Variants in ANO3 observed in about 807,000 individuals in gnomAD.
ANO3 encodes the protein anoctamin 3.
In ANO3, 99 loss-of-function variants were observed where a neutral mutation model predicts 144.8. The ratio of observed to expected loss-of-function variants is 0.68; its 90% CI spans 0.58 to 0.81. ANO3 has a LOEUF of 0.81. Ranked by LOEUF, ANO3 falls within the 30% of genes least tolerant of loss-of-function variation. The pLI, the probability that ANO3 is intolerant of heterozygous loss-of-function variation, is 0.00. For synonymous variants in ANO3, 414 were observed against 392.6 expected (o/e 1.05, Z -0.64); for missense variants, 905 against 1,202.2 (o/e 0.75, Z 3.66).
chr11:26,404,081 T>C (rs577680092), intron 1 of ANO3, among the ~76,000 whole-genome samples: 1 of 152,020 alleles, frequency 6.6e-6, no homozygotes, highest in South Asian at 2.1e-4. Flanking sequence ...ATTGACAGTT[T>C]TTTTCCATTT....
At chr11:26,190,657 T>A (rs886898425) in intron 1 of ANO3, among the ~76,000 whole-genome samples, 3 of 152,208 alleles carry the variant, frequency 2.0e-5, no homozygotes, top group Non-Finnish European at 1.5e-5. Context: ...ATTCAACTAT[T>A]GTCTTTATGC....
chr11:26,311,320 C>T (rs1266006128), intron 1 of ANO3, among the ~76,000 whole-genome samples: 2 of 152,150 alleles, frequency 1.3e-5, no homozygotes, highest in South Asian at 2.1e-4. Flanking sequence ...TGTGAAGTAA[C>T]GAGTAACTAG....
chr11:26,360,174 A>T (rs1260046230), intron 1 of ANO3, among the ~76,000 whole-genome samples: 4 of 53,548 alleles, frequency 7.5e-5, no homozygotes, highest in African/African-American at 2.3e-4. Context: ...TGCTTCCCCC[A>T]ACCCCCCCGC....
rs1010415294 is a variant in ANO3 at position 26,654,268 on chromosome 11, G to A, written c.2577-1857G>A. On this transcript the variant is annotated intron_variant, in intron 24 of 26. Transcript: ENST00000256737. Reference sequence around the variant, plus strand: ...GCTGACTCCATTTATTTAAGCGTTCGTTGAATTCTCTGAGACATGTGGTTT... The same window carrying A: ...GCTGACTCCATTTATTTAAGCGTTCATTGAATTCTCTGAGACATGTGGTTT... 4.6e-5 allele frequency among the ~76,000 whole-genome samples: 7 copies of A among 152,028 alleles called. No individual in the cohort carries two copies. In the East Asian group the frequency reaches 9.6e-4, roughly 21 times the overall value.
chr11:26,245,018 T>TGTGTGTGCGCGCGC lies in ANO3; in HGVS notation c.154+55691_154+55692insTGTGCGCGCGCGTG, dbSNP rs151031559. Among the ~76,000 whole-genome samples the TGTGTGTGCGCGCGC allele has an allele frequency of 1.6e-3, 238 of 145,426 alleles. 5 individuals carry two copies. In the South Asian group the frequency reaches 0.027, roughly 16 times the overall value. On this transcript the variant is annotated intron_variant, in intron 1 of 27. Transcript: ENST00000672621. ...GTGTGTGTGTGTGTGTGTGTGTGTG[T>TGTGTGTGCGCGCGC]GTGCATGCATGCATTTGTCTTTCAT...
At chr11:26,609,786 C>G (rs1852041905) in intron 17 of ANO3, among the ~76,000 whole-genome samples, 3 of 152,132 alleles carry the variant, frequency 2.0e-5, no homozygotes. Flanking sequence ...TATAGTAATT[C>G]TATTTTTCAT....
chr11:26,519,859 A>T (rs1422359111), intron 6 of ANO3, among the ~76,000 whole-genome samples: 1 of 152,092 alleles, frequency 6.6e-6, no homozygotes, highest in Admixed American at 6.5e-5. Context: ...TCTTTAACAC[A>T]TGTTCATTCT....
intron 1 of ANO3, among the ~76,000 whole-genome samples, chr11:26,424,388 C>A (rs1857858560): frequency 6.6e-6 from 1 of 151,932 alleles, no homozygotes; most frequent in Non-Finnish European, 1.5e-5. Context: ...ATAACACTGC[C>A]TGTGTTTTCA....
At chr11:26,455,577 A>C (rs1455145968) in intron 3 of ANO3, among the ~76,000 whole-genome samples, 3 of 152,236 alleles carry the variant, frequency 2.0e-5, no homozygotes, top group African/African-American at 7.2e-5. Flanking sequence ...AAAAGAGGAC[A>C]CAAACAAATG....
chr11:26,509,557 C>G (rs918219832), intron 5 of ANO3, among the ~76,000 whole-genome samples: 11 of 152,192 alleles, frequency 7.2e-5, no homozygotes, highest in Admixed American at 2.6e-4. Context: ...AAGTGATCTG[C>G]CCACTTCAGC....
chr11:26,513,496 A>T (rs2134147082), intron 5 of ANO3, among the ~76,000 whole-genome samples: 1 of 152,284 alleles, frequency 6.6e-6, no homozygotes, highest in East Asian at 1.9e-4. Context: ...TGGTAGTAGG[A>T]GACCCAAGTT....
intron 1 of ANO3, among the ~76,000 whole-genome samples, chr11:26,377,264 T>C (rs1310607531): frequency 6.6e-6 from 1 of 152,174 alleles, no homozygotes; most frequent in African/African-American, 2.4e-5. Flanking sequence ...AAACTAAAAG[T>C]TGCCAAAAGA....
chr11:26,660,111 A>G, intron 26 of ANO3, 151 bp from the exon 27 acceptor site: 1 of 626,916 alleles, frequency 1.6e-6, no homozygotes, highest in Non-Finnish European at 2.7e-6. Context: ...TGTTTTCAAT[A>G]TAATTTTTGA....
chr11:26,641,062 G>A lies in ANO3; in HGVS notation c.2142-834G>A, dbSNP rs957356743. Among the ~76,000 whole-genome samples the A allele has an allele frequency of 2.6e-5, 4 of 152,046 alleles. No individual in the cohort carries two copies. The East Asian group carries it at 7.7e-4, about 29-fold the overall frequency. ...CTGTAAAATTCACCTTGTCCTGGAG[G>A]TAATTTTCACTGACCTCTTAAATAA... is the stretch of plus-strand genomic sequence containing the variant. On this transcript the variant is annotated intron_variant, in intron 21 of 26. Coordinates refer to ENST00000256737, the MANE Select transcript of ANO3 (RefSeq NM_031418.4).
chr11:26,301,845 G>A (rs1854240222), intron 1 of ANO3, among the ~76,000 whole-genome samples: 1 of 152,160 alleles, frequency 6.6e-6, no homozygotes, highest in African/African-American at 2.4e-5. Context: ...CATCTCAAAA[G>A]ACAAGGAGGC....
chr11:26,610,821 TA>T (rs1419823964), intron 17 of ANO3, among the ~76,000 whole-genome samples: 1 of 152,178 alleles, frequency 6.6e-6, no homozygotes, highest in Non-Finnish European at 1.5e-5. Flanking sequence ...CCTCACTCAT[TA>T]TTGGAGTGTC....
At chr11:26,376,589 C>T (rs1030934982) in intron 1 of ANO3, among the ~76,000 whole-genome samples, 2 of 151,858 alleles carry the variant, frequency 1.3e-5, no homozygotes, top group Non-Finnish European at 1.5e-5. Flanking sequence ...AAAGTTTATT[C>T]GCACCCCTAC....
chr11:26,438,076 T>A (rs1255606719), intron 1 of ANO3, among the ~76,000 whole-genome samples: 1 of 152,164 alleles, frequency 6.6e-6, no homozygotes, highest in African/African-American at 2.4e-5. Flanking sequence ...AGTACATTCT[T>A]AACTTGAAAA....
intron 14 of ANO3, among the ~76,000 whole-genome samples, chr11:26,594,128 A>G (rs1159378069): frequency 1.3e-5 from 2 of 152,238 alleles, no homozygotes; most frequent in Non-Finnish European, 2.9e-5. Flanking sequence ...TCCCTGTGTT[A>G]TAGTGGACAT....
Sources: allele counts gnomAD v4.1 joint callset (sites outside exome capture counted in the v4.1 genomes callset), GRCh38; gene constraint gnomAD v4.1.1; transcripts MANE v1.5; gene names NCBI Gene and HGNC (gene_info 2026-07-23, HGNC 2026-07-21).